SIDT2: variants seen among roughly 807,000 people sequenced by gnomAD.
The protein encoded by SIDT2 is SID1 transmembrane family member 2.
A neutral mutation model predicts 114.4 loss-of-function variants in SIDT2; 68 were observed. The observed-to-expected ratio is 0.59, with a 90% CI of 0.49 to 0.73. SIDT2 has a LOEUF of 0.73. SIDT2 is among the 30% of genes least tolerant of loss of function. SIDT2 has a pLI of 0.00. For missense variants in SIDT2, 918 were observed against 1,097.1 expected (o/e 0.84, Z 2.31); for synonymous variants, 470 against 438.4 (o/e 1.07, Z -0.90).
At chr11:117,180,285 C>G (rs1458529283) in intron 1 of SIDT2, among the ~76,000 whole-genome samples, 1 of 152,096 alleles carries the variant, frequency 6.6e-6, no homozygotes, top group Non-Finnish European at 1.5e-5. Context: ...AGGCCAGGAT[C>G]TGCCCCCAGT....
At chr11:117,191,673 C>G in intron 18 of SIDT2, 1 of 655,330 alleles carries the variant, frequency 1.5e-6, no homozygotes, top group Non-Finnish European at 2.6e-6. Context: ...ATGTCAGACT[C>G]TGGGTGACAG....
chr11:117,186,635 C>T lies in SIDT2; in HGVS notation c.1014C>T (p.Ser338=), dbSNP rs745794959. Residue 338 remains serine (S), a splice_region_variant and synonymous_variant, in exon 10 of 26, where the codon AGC becomes AGT. Coordinates refer to ENST00000324225, the MANE Select transcript of SIDT2 (RefSeq NM_001040455.2). ...CCATTGACCGAGCCTGCCCAGAAAG[C>T]GGTACCTCCAGGGGGCCTGGGTGGG... ...LVAIDRACPE[S]GHPRVLADSF... 8.6e-5 allele frequency: 134 copies of T among 1,553,312 alleles called. No homozygotes were observed. Among genetic ancestry groups the T allele is most frequent in the Non-Finnish European group, 1.1e-4 (123 of 1,153,190 alleles).
rs201541370 is a variant in SIDT2 at position 117,181,777 on chromosome 11, C to T, written c.306-30C>T. 14 of 1,613,822 alleles carry T rather than the reference C, an allele frequency of 8.7e-6. No homozygotes were observed. The African/African-American group carries it at 1.6e-4, about 18-fold the overall frequency. ...GGGGCAGGCCGGCTGGGACAGTGCT[C>T]ACATCCTATCTCCCTGCTTCGGGCC... On this transcript the variant is annotated intron_variant, in intron 2 of 25. Coordinates refer to ENST00000324225, the MANE Select transcript of SIDT2 (RefSeq NM_001040455.2).
chr11:117,191,786 C>T, intron 18 of SIDT2, 92 bp from the exon 19 acceptor site: 3 of 1,533,932 alleles, frequency 2.0e-6, no homozygotes, highest in Non-Finnish European at 2.6e-6. Flanking sequence ...GGCACCAGGG[C>T]TCTCTCTTCC....
rs2030333322 is a variant in SIDT2, at chr11:117,182,600, A to G, written c.598A>G (p.Ile200Val). The stretch of plus-strand genomic sequence containing the variant: ...CAACAAGGCCTTCCCCTGCTCAGTC[A>G]TCTCCATTCAGGATGTGCTGGTGAG... ...TSNKAFPCSV[I>V]SIQDVLCPVY... Residue 200 changes from isoleucine (I) to valine (V), a missense_variant, in exon 5 of 26, where the codon ATC (isoleucine) becomes GTC (valine). By Grantham distance (29) the Ile-to-Val change is conservative (BLOSUM62 3). This residue lies in a region of SIDT2 where 553 missense variants were observed against 600.1 expected (regional missense o/e 0.92). Transcript: ENST00000324225. 1.2e-6 allele frequency: 2 copies of G among 1,614,202 alleles called. No individual in the cohort carries two copies. The highest frequency in any genetic ancestry group is 1.1e-5 in the South Asian group (1 of 91,082).
intron 2 of SIDT2, 71 bp downstream of exon 2, chr11:117,181,608 GC>G (rs1045341447): frequency 5.0e-6 from 8 of 1,604,460 alleles, no homozygotes; most frequent in Middle Eastern, 3.6e-4. Context: ...TCAACCAGGA[GC>G]CCCCCCATTT....
At position 117,179,418 on chromosome 11, in the gene SIDT2, C is replaced by A; in HGVS notation, c.155C>A (p.Thr52Asn). The change falls in exon 1 of 26, where the codon ACC (threonine) becomes AAC (asparagine). Residue 52 changes from threonine (T) to asparagine (N), a missense_variant. Physicochemically the swap from Thr to Asn is moderately conservative, Grantham distance 65 (BLOSUM62 0). Coordinates refer to ENST00000324225, the MANE Select transcript of SIDT2 (RefSeq NM_001040455.2). ...EVNSELVNIY[T>N]FNHTVTRNRT... Reference sequence around the variant, plus strand: ...AACAGCGAGCTGGTCAACATCTACACCTTCAACCATACTGTGACCCGCAAC... The same window carrying A: ...AACAGCGAGCTGGTCAACATCTACAACTTCAACCATACTGTGACCCGCAAC... 6.2e-7 allele frequency: 1 copy of A among 1,614,034 alleles called. No individual in the cohort carries two copies. Among genetic ancestry groups the A allele is most frequent in the Non-Finnish European group, 8.5e-7 (1 of 1,179,996 alleles).
intron 18 of SIDT2, 172 bp from the exon 19 acceptor site, chr11:117,191,706 T>G (rs2030707602): frequency 2.5e-6 from 2 of 787,212 alleles, no homozygotes; most frequent in Non-Finnish European, 4.1e-6. Flanking sequence ...CAGTGTGGTG[T>G]GGCAGGTACA....
At chr11:117,187,297 C>T in intron 10 of SIDT2, 81 bp from the exon 11 acceptor site, 1 of 1,389,640 alleles carries the variant, frequency 7.2e-7, no homozygotes, top group Non-Finnish European at 1.0e-6. Context: ...GCTGTCTTCT[C>T]TGGACCTTTC....
At chr11:117,182,233 C>A in intron 4 of SIDT2, 128 bp downstream of exon 4, 3 of 1,084,070 alleles carry the variant, frequency 2.8e-6, no homozygotes, top group Admixed American at 2.2e-5. Context: ...TCTCTGGAAA[C>A]AGGAGCTCTG....
rs773527874 is a variant in SIDT2, at chr11:117,190,940, C to T, written c.1735+200C>T. 2.3e-5 allele frequency: 13 copies of T among 562,360 alleles called. No individual in the cohort carries two copies. Among genetic ancestry groups the T allele is most frequent in the Non-Finnish European group, 3.5e-5 (11 of 313,644 alleles). 34.8% of individuals were successfully genotyped at this position (562,360 alleles called of 1,614,324 possible). ...GCTTCATTCATCTGTCAAGCTATTC[C>T]TATGTAAAGGCATGTGCCGCAGTGA... On this transcript the variant is annotated intron_variant, in intron 18 of 25. Coordinates refer to ENST00000324225, the MANE Select transcript of SIDT2 (RefSeq NM_001040455.2). This position sits in a 1 kb window ranked among gnomAD's most constrained non-coding sequence, Gnocchi z 4.1.
intron 25 of SIDT2, 31 bp from the exon 26 acceptor site, chr11:117,195,973 C>G (rs764795325): frequency 1.2e-6 from 2 of 1,614,270 alleles, no homozygotes; most frequent in Non-Finnish European, 1.7e-6. Context: ...CTGCCTCCTT[C>G]TCTGTGGCTG....
intron 24 of SIDT2, among the ~76,000 whole-genome samples, 157 bp from the exon 25 acceptor site, chr11:117,195,645 G>A (rs924987471): frequency 2.0e-5 from 3 of 152,190 alleles, no homozygotes; most frequent in Non-Finnish European, 4.4e-5. Context: ...TTGTTAGATC[G>A]GGAAGGGGTA....
At position 117,179,241 on chromosome 11, in the gene SIDT2, G is replaced by A; in HGVS notation, c.-23G>A. 1 of 1,600,546 alleles carries A rather than the reference G, an allele frequency of 6.2e-7. No individual in the cohort carries two copies. Among genetic ancestry groups the A allele is most frequent in the Non-Finnish European group, 8.5e-7 (1 of 1,174,296 alleles). Reference sequence around the variant, plus strand: ...CGCCGCCGCCGCCGCCACCACCGCTGCCACTGCCGCCCTGCCGGGGCCATG... The same window carrying A: ...CGCCGCCGCCGCCGCCACCACCGCTACCACTGCCGCCCTGCCGGGGCCATG... On this transcript the variant is annotated 5_prime_UTR_variant, in exon 1 of 26. Coordinates refer to ENST00000324225, the MANE Select transcript of SIDT2 (RefSeq NM_001040455.2).
In SIDT2 at chr11:117,181,612, C is replaced by G; in HGVS notation, c.305+75C>G. On this transcript the variant is annotated intron_variant, in intron 2 of 25. Coordinates refer to ENST00000324225, the MANE Select transcript of SIDT2 (RefSeq NM_001040455.2). The stretch of plus-strand genomic sequence containing the variant: ...TGGCTGGAGCCTCAACCAGGAGCCC[C>G]CCCATTTCTCCTCCCCTTTCCCTGG... 1.9e-6 allele frequency: 3 copies of G among 1,602,950 alleles called. No individual in the cohort carries two copies. In the Admixed American group the frequency reaches 5.0e-5, roughly 27 times the overall value.
At position 117,179,185 on chromosome 11, in the gene SIDT2, C is replaced by A; in HGVS notation, c.-79C>A. ...ATGCTGGAAGCTGCGGCCGCAGCCG[C>A]AACCCGTCCCGGAGGTGTCCTGTCT... On this transcript the variant is annotated 5_prime_UTR_variant, in exon 1 of 26. Coordinates refer to ENST00000324225, the MANE Select transcript of SIDT2 (RefSeq NM_001040455.2). 7.0e-7 allele frequency: 1 copy of A among 1,427,200 alleles called. No homozygotes were observed. Among genetic ancestry groups the A allele is most frequent in the Non-Finnish European group, 9.5e-7 (1 of 1,051,548 alleles). 88.4% of individuals were successfully genotyped at this position (1,427,200 alleles called of 1,614,324 possible). A position where few individuals can be genotyped will look rare whatever the true frequency, so the allele number is the denominator to read the frequency against.
chr11:117,195,736 A>AGAT, intron 24 of SIDT2, 66 bp from the exon 25 acceptor site: 1 of 1,550,752 alleles, frequency 6.4e-7, no homozygotes, highest in East Asian at 2.2e-5. Context: ...GCAAGATGGC[A>AGAT]GATGGGTCTG....
chr11:117,189,057 C>T (rs1285784165), intron 13 of SIDT2, 112 bp from the exon 14 acceptor site: 17 of 1,165,684 alleles, frequency 1.5e-5, no homozygotes, highest in Non-Finnish European at 1.9e-5. Context: ...TTGAACCCTG[C>T]CCCCCTGAAT....
chr11:117,196,194 C>T lies in SIDT2; in HGVS notation c.*128C>T. On this transcript the variant is annotated 3_prime_UTR_variant, in exon 26 of 26. Transcript: ENST00000324225. This position sits in a 1 kb window ranked among gnomAD's most constrained non-coding sequence, Gnocchi z 4.9. The stretch of plus-strand genomic sequence containing the variant: ...CCAGCACTGGATGGCAGCAGGACAG[C>T]CAGGTCTAGCTTAGGCTTGGCCTGG... The T allele has an allele frequency of 6.2e-6, 8 of 1,292,226 alleles. No individual in the cohort carries two copies. Among genetic ancestry groups the T allele is most frequent in the Non-Finnish European group, 8.6e-6 (8 of 927,586 alleles). 80.0% of individuals were successfully genotyped at this position (1,292,226 alleles called of 1,614,324 possible).
Sources: allele counts gnomAD v4.1 joint callset (sites outside exome capture counted in the v4.1 genomes callset), GRCh38; gene constraint gnomAD v4.1.1; regional missense constraint gnomAD v4.1.1; non-coding constraint Gnocchi (gnomAD v3.1); transcripts MANE v1.5; gene names NCBI Gene and HGNC (gene_info 2026-07-23, HGNC 2026-07-21).